SHTN1: variants seen among roughly 807,000 people sequenced by gnomAD.
The protein encoded by SHTN1 is shootin-1.
In SHTN1, 42 loss-of-function variants were observed where a neutral mutation model predicts 83.1. That is an observed-to-expected ratio of 0.51 (90% confidence interval 0.39 to 0.65). The LOEUF (loss-of-function observed/expected upper bound fraction) is 0.65, where lower values mean the gene tolerates loss of function less well. Among genes scored for constraint, SHTN1 ranks in the 30% least tolerant of loss-of-function variants. The pLI is 0.00. For missense variants in SHTN1, 622 were observed against 737.8 expected (o/e 0.84, Z 1.82); for synonymous variants, 224 against 247.7 (o/e 0.90, Z 0.90).
chr10:117,032,808 A>G (rs1852437614), intron 2 of SHTN1, among the ~76,000 whole-genome samples: 1 of 152,220 alleles, frequency 6.6e-6, no homozygotes, highest in Non-Finnish European at 1.5e-5. Flanking sequence ...AAGTCTTAAA[A>G]CATTAAAAAA....
At chr10:117,090,800 AGG>A (rs1589928573) in intron 1 of SHTN1, among the ~76,000 whole-genome samples, 2 of 133,618 alleles carry the variant, frequency 1.5e-5, no homozygotes, top group East Asian at 2.6e-4. Flanking sequence ...GAAGGAAGGA[AGG>A]AAGGAAGGAA....
intron 1 of SHTN1, among the ~76,000 whole-genome samples, chr10:117,105,464 G>A (rs1336385886): frequency 6.6e-6 from 1 of 152,152 alleles, no homozygotes; most frequent in African/African-American, 2.4e-5. Flanking sequence ...TGAAAGAACT[G>A]AGGTCCAGAA....
At chr10:117,105,127 A>G (rs976100715) in intron 1 of SHTN1, among the ~76,000 whole-genome samples, 6 of 152,110 alleles carry the variant, frequency 3.9e-5, no homozygotes. Context: ...CTCCAAAACC[A>G]TAACACTCTT....
chr10:116,951,827 T>C, intron 6 of SHTN1, 82 bp downstream of exon 6: 4 of 608,668 alleles, frequency 6.6e-6, no homozygotes, highest in Non-Finnish European at 1.1e-5. Flanking sequence ...AATTGGCTTA[T>C]AATATTAAGT....
chr10:116,990,945 G>C (rs1486648223), intron 1 of SHTN1, among the ~76,000 whole-genome samples: 3 of 151,952 alleles, frequency 2.0e-5, no homozygotes, highest in Non-Finnish European at 4.4e-5. Flanking sequence ...TCAGCACTTT[G>C]GGAGGCCGAG....
chr10:116,926,664 C>T (rs973291749), intron 11 of SHTN1, among the ~76,000 whole-genome samples: 1 of 151,532 alleles, frequency 6.6e-6, no homozygotes, highest in Admixed American at 6.6e-5. Context: ...GAATAAATGG[C>T]CTCTCTGTGT....
At position 116,886,554 on chromosome 10, in the gene SHTN1, G is replaced by A. The variant is rs1213965562; in HGVS notation, c.1686C>T (p.Ser562=). 2.5e-6 allele frequency: 4 copies of A among 1,613,972 alleles called. No individual in the cohort carries two copies. The highest frequency in any genetic ancestry group is 3.4e-6 in the Non-Finnish European group (4 of 1,180,028). The stretch of plus-strand genomic sequence containing the variant: ...CAATGTATTTTTTCCTGCATCCAAT[G>A]CTACTGGGAGGCCTATGAGATGAAG... ...SSKVTFQPPS[S]IGCRKKYIDG... is the part of the protein sequence containing the mutation. Residue 562 remains serine, a synonymous_variant, in exon 17 of 17, where the codon AGC becomes AGT. Coordinates refer to ENST00000355371, the MANE Select transcript of SHTN1 (RefSeq NM_001127211.3).
At chr10:116,979,795 T>C (rs1220105563) in intron 1 of SHTN1, among the ~76,000 whole-genome samples, 1 of 152,212 alleles carries the variant, frequency 6.6e-6, no homozygotes, top group East Asian at 1.9e-4. Context: ...TAGTCTGTGG[T>C]ATTGTAATCA....
At chr10:117,109,433 T>G (rs1473758088) in intron 1 of SHTN1, among the ~76,000 whole-genome samples, 1 of 152,174 alleles carries the variant, frequency 6.6e-6, no homozygotes, top group East Asian at 1.9e-4. Context: ...AATTTCAGAT[T>G]GGAAGGAAAT....
intron 1 of SHTN1, among the ~76,000 whole-genome samples, chr10:117,103,529 T>TCCTCC (rs1589933692): frequency 9.3e-6 from 1 of 107,558 alleles, no homozygotes; most frequent in Non-Finnish European, 1.8e-5. Flanking sequence ...CCCTCCCCTC[T>TCCTCC]CTTTTTTTTT....
chr10:116,986,831 C>T (rs780951407), intron 1 of SHTN1, among the ~76,000 whole-genome samples: 13 of 148,642 alleles, frequency 8.7e-5, no homozygotes, highest in African/African-American at 3.3e-4. Context: ...CGGGTTCAAG[C>T]GATTCTCCTG....
At chr10:116,981,917 G>C (rs1851034752) in intron 1 of SHTN1, among the ~76,000 whole-genome samples, 1 of 152,078 alleles carries the variant, frequency 6.6e-6, no homozygotes, top group Non-Finnish European at 1.5e-5. Context: ...AGATTAGCTG[G>C]GCGTGGTAGC....
intron 2 of SHTN1, among the ~76,000 whole-genome samples, chr10:117,035,861 C>T (rs555825298): frequency 1.4e-5 from 2 of 146,752 alleles, no homozygotes; most frequent in Non-Finnish European, 3.0e-5. Context: ...GCAGGAGAAT[C>T]GCTTGAACCT....
chr10:116,979,603 G>A lies in SHTN1; in HGVS notation c.59-295C>T, dbSNP rs1850942547. Among the ~76,000 whole-genome samples the A allele has an allele frequency of 2.0e-5, 3 of 152,222 alleles. No individual in the cohort carries two copies. In the South Asian group the frequency reaches 6.2e-4, roughly 32 times the overall value. ...CCCGGCTGGGCTCCTGCTTTTAACA[G>A]TAAGGATGAAAAAGGAGACATGAGC... On this transcript the variant is annotated intron_variant, in intron 1 of 16. Transcript: ENST00000355371.
intron 1 of SHTN1, among the ~76,000 whole-genome samples, chr10:116,989,229 G>C (rs1260243686): frequency 1.3e-5 from 2 of 152,108 alleles, no homozygotes; most frequent in Non-Finnish European, 2.9e-5. Context: ...CATTAGTATG[G>C]TGCATTTGCT....
chr10:117,018,778 G>A (rs181908261), intron 2 of SHTN1, among the ~76,000 whole-genome samples: 28 of 151,962 alleles, frequency 1.8e-4, no homozygotes, highest in South Asian at 6.2e-4. Context: ...TCACCATGTT[G>A]GCCAGGCTGG....
intron 7 of SHTN1, among the ~76,000 whole-genome samples, chr10:116,946,344 T>G (rs894641021): frequency 4.7e-5 from 7 of 147,784 alleles, no homozygotes; most frequent in African/African-American, 1.7e-4. Flanking sequence ...CTTACATGAA[T>G]CTAAATTTTC....
At chr10:116,984,971 C>A (rs1267287442) in intron 1 of SHTN1, among the ~76,000 whole-genome samples, 1 of 152,198 alleles carries the variant, frequency 6.6e-6, no homozygotes, top group Non-Finnish European at 1.5e-5. Context: ...CCTACCCCAT[C>A]TTCCCTATCT....
Position 116,945,031 on chromosome 10 carries a change from A to C in SHTN1, c.617-13T>G, listed in dbSNP as rs974823682. The C allele has an allele frequency of 1.4e-6, 2 of 1,454,798 alleles. No individual in the cohort carries two copies. Among genetic ancestry groups the C allele is most frequent in the Admixed American group, 1.9e-5 (1 of 51,992 alleles). The allele number at this position is 1,454,798 out of a possible 1,614,324, so 90.1% of individuals were successfully genotyped here. On this transcript the variant is annotated splice_polypyrimidine_tract_variant and intron_variant, in intron 7 of 16. Transcript: ENST00000355371. The stretch of plus-strand genomic sequence containing the variant: ...GCTAACATGGACACTTAAGAAGATA[A>C]AGGAAAAAAAAAACCCAGACAATAA...
Sources: gnomAD v4.1 joint callset for allele counts (sites outside exome capture counted in the v4.1 genomes callset) on GRCh38, gnomAD v4.1.1 for gene constraint, MANE v1.5 for transcripts, NCBI Gene and HGNC (gene_info 2026-07-23, HGNC 2026-07-21) for gene names.